Variants in CGGBP1 observed in about 807,000 individuals in gnomAD.
CGGBP1 encodes the protein CGG triplet repeat binding protein 1, also known as CGG triplet repeat-binding protein 1.
In CGGBP1, 4 loss-of-function variants were observed where a neutral mutation model predicts 11.4. The ratio of observed to expected loss-of-function variants is 0.35; its 90% CI spans 0.17 to 0.80. The LOEUF (loss-of-function observed/expected upper bound fraction) is 0.80. Among genes scored for constraint, CGGBP1 ranks in the 30% least tolerant of loss-of-function variants. The pLI is 0.52. For synonymous variants in CGGBP1, 76 were observed against 74.1 expected (o/e 1.03, Z -0.13); for missense variants, 135 against 202.1 (o/e 0.67, Z 2.01).
upstream of CGGBP1, chr3:88,059,556 C>T: frequency 6.9e-7 from 1 of 1,447,254 alleles, no homozygotes; most frequent in Non-Finnish European, 9.0e-7. Flanking sequence ...CTGGGCCTCT[C>T]TGCGTCTCCT....
chr3:88,106,853 G>T (rs1305119856), intron 2 of CGGBP1, among the ~76,000 whole-genome samples: 3 of 152,064 alleles, frequency 2.0e-5, no homozygotes, highest in Admixed American at 1.3e-4. Context: ...ACATTTGGCT[G>T]TCCAGTATGA....
intron 2 of CGGBP1, among the ~76,000 whole-genome samples, chr3:88,097,333 G>T (rs1295380978): frequency 2.0e-5 from 3 of 151,622 alleles, no homozygotes; most frequent in Non-Finnish European, 2.9e-5. Flanking sequence ...AGGTAAGAGA[G>T]AACCAGTTTT....
intron 2 of CGGBP1, among the ~76,000 whole-genome samples, chr3:88,077,521 G>T (rs1400007796): frequency 2.0e-5 from 3 of 151,622 alleles, no homozygotes; most frequent in African/African-American, 7.3e-5. Context: ...TTTTTTAGTA[G>T]AGACGGGGTT....
intron 2 of CGGBP1, among the ~76,000 whole-genome samples, chr3:88,114,953 T>C (rs9861398): frequency 0.71 from 107,531 of 152,162 alleles, 41,730 homozygotes; most frequent in South Asian, 0.91. Flanking sequence ...GAAATATTTT[T>C]CATAAATTAT....
intron 2 of CGGBP1, chr3:88,140,765 G>T: frequency 6.2e-7 from 1 of 1,613,612 alleles, no homozygotes; most frequent in Non-Finnish European, 8.5e-7. Context: ...AACCAAATCT[G>T]ACAAGTGAAC....
intron 2 of CGGBP1, among the ~76,000 whole-genome samples, chr3:88,072,393 C>CA (rs1221395960): frequency 1.6e-4 from 24 of 152,130 alleles, no homozygotes; most frequent in African/African-American, 5.8e-4. Flanking sequence ...GAGTCAAAGC[C>CA]AAAATCCTTA....
At chr3:88,116,557 T>TACACACACACAC (rs745598873) in intron 2 of CGGBP1, among the ~76,000 whole-genome samples, 277 of 25,500 alleles carry the variant, frequency 0.011, 1 homozygote, top group Admixed American at 0.044. Flanking sequence ...TACATACATA[T>TACACACACACAC]ATATACACAC....
At chr3:88,144,943 G>A (rs2107917996) in intron 1 of CGGBP1, among the ~76,000 whole-genome samples, 2 of 152,052 alleles carry the variant, frequency 1.3e-5, no homozygotes, top group Admixed American at 1.3e-4. Context: ...AGGTAAGTGG[G>A]TTCAGTGTGA....
chr3:88,131,059 T>G (rs1395746785), intron 2 of CGGBP1, among the ~76,000 whole-genome samples: 1 of 152,146 alleles, frequency 6.6e-6, no homozygotes, highest in Non-Finnish European at 1.5e-5. Context: ...GTGTGAATAT[T>G]GTAGAGATAC....
intron 2 of CGGBP1, among the ~76,000 whole-genome samples, chr3:88,111,011 G>T (rs1705057118): frequency 6.6e-6 from 1 of 152,028 alleles, no homozygotes. Context: ...AGATAGTACA[G>T]TCCAAACAGC....
rs781631360 is a variant in CGGBP1, at chr3:88,140,852, T to C, written c.-229+118A>G. 9 of 1,613,546 alleles carry C rather than the reference T, an allele frequency of 5.6e-6. No homozygotes were observed. The South Asian group carries it at 7.7e-5, about 14-fold the overall frequency. ...CCAGTTACCTTGATGAACGGTATCTTAGTATGCCAAAACGCAGAAAATTTC... is the reference window on the plus strand; with the variant it reads ...CCAGTTACCTTGATGAACGGTATCTCAGTATGCCAAAACGCAGAAAATTTC... On this transcript the variant is annotated intron_variant, in intron 2 of 3. Transcript: ENST00000462901.
intron 2 of CGGBP1, among the ~76,000 whole-genome samples, chr3:88,127,767 G>T (rs1706206808): frequency 6.6e-6 from 1 of 152,132 alleles, no homozygotes. Context: ...ATACTCCTTT[G>T]ATACCTATAC....
chr3:88,059,256 G>T (rs901085076), upstream of CGGBP1: 67 of 1,530,558 alleles, frequency 4.4e-5, no homozygotes, highest in Non-Finnish European at 5.3e-5. Flanking sequence ...GAGGAGGTTA[G>T]CCTAGGCATC....
At chr3:88,149,411 G>A (rs1336549693) in intron 1 of CGGBP1, among the ~76,000 whole-genome samples, 1 of 152,282 alleles carries the variant, frequency 6.6e-6, no homozygotes, top group African/African-American at 2.4e-5. Context: ...CGAGGGAAAT[G>A]GAGGCAAGAG....
upstream of CGGBP1, chr3:88,059,325 G>T: frequency 6.5e-7 from 1 of 1,534,210 alleles, no homozygotes; most frequent in Middle Eastern, 1.9e-4. Context: ...GCCTCATGGC[G>T]GAGGAAGAGA....
intron 2 of CGGBP1, among the ~76,000 whole-genome samples, chr3:88,071,061 G>T (rs1195619947): frequency 1.3e-5 from 2 of 152,140 alleles, no homozygotes; most frequent in Admixed American, 1.3e-4. Context: ...TTATTACTTT[G>T]ATTTCCTGCA....
At chr3:88,076,628 A>G (rs1210165506) in intron 2 of CGGBP1, among the ~76,000 whole-genome samples, 3 of 152,158 alleles carry the variant, frequency 2.0e-5, no homozygotes, top group Non-Finnish European at 2.9e-5. Context: ...AGCATACCTC[A>G]TCCTAGAGTT....
chr3:88,080,016 T>C (rs1196462479), intron 2 of CGGBP1, among the ~76,000 whole-genome samples: 1 of 152,110 alleles, frequency 6.6e-6, no homozygotes, highest in Non-Finnish European at 1.5e-5. Flanking sequence ...AAAGGTCAAA[T>C]TGACAAGTGA....
intron 2 of CGGBP1, among the ~76,000 whole-genome samples, chr3:88,119,425 G>A (rs1576317887): frequency 7.1e-6 from 1 of 140,896 alleles, no homozygotes; most frequent in East Asian, 2.2e-4. Context: ...ATAGCATTGG[G>A]AGATATACCT....
Sources: gnomAD v4.1 joint callset for allele counts (sites outside exome capture counted in the v4.1 genomes callset) on GRCh38, gnomAD v4.1.1 for gene constraint, MANE v1.5 for transcripts, NCBI Gene and HGNC (gene_info 2026-07-23, HGNC 2026-07-21) for gene names.